Variants in CTNNA3 observed in about 807,000 individuals in gnomAD.
CTNNA3 encodes catenin alpha-3.
A neutral mutation model predicts 95.7 loss-of-function variants in CTNNA3; 76 were observed. That is an observed-to-expected ratio of 0.79 (90% confidence interval 0.66 to 0.96). CTNNA3 has a LOEUF of 0.96. Among genes scored for constraint, CTNNA3 ranks in the 40% least tolerant of loss-of-function variants. The pLI is 0.00. For synonymous variants in CTNNA3, 431 were observed against 374.4 expected (o/e 1.15, Z -1.74); for missense variants, 1,191 against 1,089.8 (o/e 1.09, Z -1.31).
At chr10:66,168,531 G>A (rs1210882112) in intron 13 of CTNNA3, among the ~76,000 whole-genome samples, 2 of 151,686 alleles carry the variant, frequency 1.3e-5, no homozygotes, top group Admixed American at 6.6e-5. Context: ...TCCTTTGCCC[G>A]GAATGTTCTT....
At chr10:67,694,897 T>C (rs924662235) in intron 1 of CTNNA3, among the ~76,000 whole-genome samples, 15 of 152,204 alleles carry the variant, frequency 9.9e-5, no homozygotes, top group African/African-American at 3.6e-4. Flanking sequence ...TAGGAAGATT[T>C]AGACTATGTG....
intron 13 of CTNNA3, among the ~76,000 whole-genome samples, chr10:66,248,266 C>T (rs2132060732): frequency 6.7e-6 from 1 of 148,670 alleles, no homozygotes; most frequent in South Asian, 2.1e-4. Flanking sequence ...ACATAAAAAG[C>T]AATAAATTCA....
At chr10:66,356,993 G>C (rs376005724) in intron 12 of CTNNA3, among the ~76,000 whole-genome samples, 1 of 152,100 alleles carries the variant, frequency 6.6e-6, no homozygotes, top group African/African-American at 2.4e-5. Flanking sequence ...CTATATTGCT[G>C]GGTTAGATTT....
chr10:66,480,883 G>C (rs570837401), intron 11 of CTNNA3, among the ~76,000 whole-genome samples: 11 of 152,122 alleles, frequency 7.2e-5, no homozygotes, highest in Non-Finnish European at 1.5e-4. Context: ...GATTACAGGC[G>C]TGAGCCACCA....
At chr10:66,238,436 G>T (rs1241224031) in intron 13 of CTNNA3, among the ~76,000 whole-genome samples, 2 of 151,918 alleles carry the variant, frequency 1.3e-5, no homozygotes, top group Admixed American at 1.3e-4. Context: ...TTATCAGGTT[G>T]TCACAAAAAA....
At chr10:67,068,844 G>C (rs763198389) in intron 7 of CTNNA3, among the ~76,000 whole-genome samples, 8 of 152,192 alleles carry the variant, frequency 5.3e-5, no homozygotes, top group Non-Finnish European at 1.2e-4. Context: ...AAGATCACCT[G>C]AGGTCAGGAG....
chr10:66,939,368 A>G (rs1445142199), intron 7 of CTNNA3, among the ~76,000 whole-genome samples: 1 of 152,080 alleles, frequency 6.6e-6, no homozygotes, highest in Non-Finnish European at 1.5e-5. Flanking sequence ...TTTTAAGTCA[A>G]TCCATACAAC....
At chr10:67,599,153 C>T (rs1016265735) in intron 3 of CTNNA3, among the ~76,000 whole-genome samples, 2 of 152,060 alleles carry the variant, frequency 1.3e-5, no homozygotes, top group Non-Finnish European at 2.9e-5. Flanking sequence ...GAATAAAAAC[C>T]GAATCAACCT....
chr10:67,079,174 T>C (rs1332148053), intron 7 of CTNNA3, among the ~76,000 whole-genome samples: 1 of 152,240 alleles, frequency 6.6e-6, no homozygotes, highest in Non-Finnish European at 1.5e-5. Context: ...CTGCTGGCTG[T>C]ATTTTTTGTG....
At chr10:66,705,396 C>T (rs1416315924) in intron 9 of CTNNA3, among the ~76,000 whole-genome samples, 3 of 152,078 alleles carry the variant, frequency 2.0e-5, no homozygotes, top group Non-Finnish European at 4.4e-5. Flanking sequence ...AGTTTCTCTG[C>T]TCAATTTTTT....
intron 7 of CTNNA3, among the ~76,000 whole-genome samples, chr10:66,938,875 T>C (rs1847856878): frequency 6.6e-6 from 1 of 152,198 alleles, no homozygotes; most frequent in African/African-American, 2.4e-5. Flanking sequence ...TTCATTTTTG[T>C]AGAGGCTAGG....
At chr10:66,132,028 A>G (rs1402985103) in intron 13 of CTNNA3, among the ~76,000 whole-genome samples, 3 of 152,240 alleles carry the variant, frequency 2.0e-5, no homozygotes, top group African/African-American at 4.8e-5. Context: ...AGGCAATTGC[A>G]ACAAAAGCAA....
At chr10:66,998,773 A>T (rs1485525130) in intron 7 of CTNNA3, among the ~76,000 whole-genome samples, 2 of 152,176 alleles carry the variant, frequency 1.3e-5, no homozygotes, top group Non-Finnish European at 2.9e-5. Flanking sequence ...ATTTCAATGC[A>T]CTTTTCTTAT....
At chr10:66,932,970 C>T (rs1056741342) in intron 7 of CTNNA3, among the ~76,000 whole-genome samples, 2 of 152,168 alleles carry the variant, frequency 1.3e-5, no homozygotes, top group African/African-American at 4.8e-5. Flanking sequence ...AGGTACATTT[C>T]CTGGCTTTTC....
chr10:66,680,303 T>A (rs1283019482), intron 9 of CTNNA3, among the ~76,000 whole-genome samples: 5 of 152,118 alleles, frequency 3.3e-5, no homozygotes, highest in African/African-American at 7.2e-5. Flanking sequence ...GTGCTGGGAT[T>A]ACAGACATCA....
chr10:66,040,751 G>A (rs2079669843), intron 15 of CTNNA3, among the ~76,000 whole-genome samples: 1 of 152,026 alleles, frequency 6.6e-6, no homozygotes, highest in African/African-American at 2.4e-5. Flanking sequence ...AGGAGGGTGA[G>A]GACCAGGAAA....
intron 14 of CTNNA3, among the ~76,000 whole-genome samples, chr10:66,073,542 C>G (rs776558322): frequency 5.3e-5 from 8 of 152,110 alleles, no homozygotes; most frequent in Non-Finnish European, 1.2e-4. Flanking sequence ...TCATGTTTCT[C>G]AGTGATACTT....
At chr10:65,988,847 T>C in intron 15 of CTNNA3, 50 bp from the exon 16 acceptor site, 1 of 1,318,598 alleles carries the variant, frequency 7.6e-7, no homozygotes, top group Non-Finnish European at 1.1e-6. Flanking sequence ...AGAAAATATA[T>C]GTTAGCTACG....
intron 5 of CTNNA3, among the ~76,000 whole-genome samples, chr10:67,477,750 C>T (rs545571634): frequency 5.9e-5 from 9 of 152,230 alleles, no homozygotes; most frequent in Non-Finnish European, 1.0e-4. Flanking sequence ...TGAGAAGGAA[C>T]CAGCTAAAGA....
Sources: gnomAD v4.1 joint callset for allele counts (sites outside exome capture counted in the v4.1 genomes callset) on GRCh38, gnomAD v4.1.1 for gene constraint, MANE v1.5 for transcripts, NCBI Gene and HGNC (gene_info 2026-07-23, HGNC 2026-07-21) for gene names.